Variants in DLC1 observed in about 807,000 individuals in gnomAD.
DLC1 encodes DLC1 Rho GTPase activating protein.
Under a neutral mutation model 140.3 loss-of-function variants are expected in DLC1, and 54 were observed. The observed-to-expected ratio is 0.38, with a 90% CI of 0.31 to 0.48. The LOEUF (loss-of-function observed/expected upper bound fraction) is 0.48, where lower values mean the gene tolerates loss of function less well. DLC1 is among the 20% of genes least tolerant of loss of function. The pLI is 0.96. For synonymous variants in DLC1, 986 were observed against 728.1 expected, an observed-to-expected ratio of 1.35 and a Z score of -5.70; for missense variants, 2,536 against 1,907.0, an observed-to-expected ratio of 1.33 and a Z score of -6.14.
intron 5 of DLC1, among the ~76,000 whole-genome samples, chr8:13,174,827 A>C (rs1825672862): frequency 6.6e-6 from 1 of 151,698 alleles, no homozygotes; most frequent in Non-Finnish European, 1.5e-5. Flanking sequence ...CTCCATTGAT[A>C]ATTTTTTTTT....
chr8:13,128,450 C>A (rs1428781714), intron 5 of DLC1, among the ~76,000 whole-genome samples: 1 of 152,146 alleles, frequency 6.6e-6, no homozygotes, highest in Non-Finnish European at 1.5e-5. Flanking sequence ...CCTACGCACA[C>A]AAGCCTCCCA....
At chr8:13,585,410 T>A (rs1019232063) in intron 1 of DLC1, among the ~76,000 whole-genome samples, 82 of 151,386 alleles carry the variant, frequency 5.4e-4, no homozygotes, top group African/African-American at 1.6e-3. Context: ...ATAAAAAATT[T>A]AAAAAAAAAG....
intron 5 of DLC1, among the ~76,000 whole-genome samples, chr8:13,234,114 C>G (rs1225956699): frequency 6.6e-6 from 1 of 152,100 alleles, no homozygotes; most frequent in Non-Finnish European, 1.5e-5. Flanking sequence ...TCTTTGTTTA[C>G]ATTTATAAAG....
At chr8:13,272,463 C>G (rs184917716) in intron 5 of DLC1, among the ~76,000 whole-genome samples, 1 of 151,764 alleles carries the variant, frequency 6.6e-6, no homozygotes, top group Non-Finnish European at 1.5e-5. Flanking sequence ...AACAAACAAA[C>G]AAAAAAGACT....
chr8:13,209,439 T>A (rs1827832104), intron 5 of DLC1, among the ~76,000 whole-genome samples: 2 of 152,184 alleles, frequency 1.3e-5, no homozygotes, highest in Admixed American at 1.3e-4. Context: ...GTGGATGACT[T>A]CTGCTCATCA....
intron 5 of DLC1, among the ~76,000 whole-genome samples, chr8:13,152,094 T>A (rs1372057879): frequency 6.6e-6 from 1 of 152,222 alleles, no homozygotes; most frequent in Admixed American, 6.5e-5. Context: ...CTAAATACAG[T>A]CTCAGGGTTG....
chr8:13,265,372 T>C (rs763646172), intron 5 of DLC1, among the ~76,000 whole-genome samples: 2 of 152,064 alleles, frequency 1.3e-5, no homozygotes, highest in Non-Finnish European at 2.9e-5. Flanking sequence ...CAAAAGAAGT[T>C]TGAGAGTGGG....
intron 1 of DLC1, among the ~76,000 whole-genome samples, chr8:13,547,439 T>A (rs1406536708): frequency 6.6e-6 from 1 of 152,034 alleles, no homozygotes; most frequent in Non-Finnish European, 1.5e-5. Flanking sequence ...TGACTGCCTC[T>A]GTTACTCACC....
chr8:13,224,771 G>T (rs1255126948), intron 5 of DLC1, among the ~76,000 whole-genome samples: 2 of 152,148 alleles, frequency 1.3e-5, no homozygotes, highest in African/African-American at 4.8e-5. Context: ...ACAAGAGTGA[G>T]CGCCTACAGA....
chr8:13,302,038 C>T (rs576190132), intron 5 of DLC1, among the ~76,000 whole-genome samples: 156 of 152,310 alleles, frequency 1.0e-3, no homozygotes, highest in African/African-American at 3.7e-3. Flanking sequence ...TACAATTATA[C>T]ATATCGATAC....
intron 1 of DLC1, among the ~76,000 whole-genome samples, chr8:13,560,580 G>C (rs939809690): frequency 6.6e-6 from 1 of 152,058 alleles, no homozygotes; most frequent in African/African-American, 2.4e-5. Context: ...CCTTTAATCT[G>C]GTTTTCATAC....
chr8:13,462,448 G>T (rs1191918680), intron 2 of DLC1, among the ~76,000 whole-genome samples: 1 of 148,602 alleles, frequency 6.7e-6, no homozygotes, highest in Admixed American at 6.8e-5. Flanking sequence ...CGACAGCCCA[G>T]GCTGGAGTGC....
chr8:13,442,053 A>G (rs1397727509), intron 2 of DLC1, among the ~76,000 whole-genome samples: 2 of 152,220 alleles, frequency 1.3e-5, no homozygotes, highest in Non-Finnish European at 1.5e-5. Context: ...AATGCTGCAT[A>G]TCTACAACTA....
intron 5 of DLC1, among the ~76,000 whole-genome samples, chr8:13,127,447 G>A (rs941502581): frequency 6.6e-6 from 1 of 152,184 alleles, no homozygotes; most frequent in Non-Finnish European, 1.5e-5. Flanking sequence ...TTTTACAGAT[G>A]TCCAAGCATT....
At chr8:13,503,850 T>C (rs1377345892) in intron 1 of DLC1, among the ~76,000 whole-genome samples, 1 of 152,188 alleles carries the variant, frequency 6.6e-6, no homozygotes, top group Non-Finnish European at 1.5e-5. Flanking sequence ...ACAAAGAAAG[T>C]TCTATCATAG....
intron 4 of DLC1, among the ~76,000 whole-genome samples, chr8:13,379,571 G>A (rs1234587602): frequency 6.6e-6 from 1 of 152,142 alleles, no homozygotes; most frequent in Admixed American, 6.6e-5. Flanking sequence ...TCAGGCTCAT[G>A]TCAAAAAATT....
intron 5 of DLC1, among the ~76,000 whole-genome samples, chr8:13,169,270 T>G (rs1270469764): frequency 2.6e-5 from 4 of 152,210 alleles, no homozygotes; most frequent in Non-Finnish European, 5.9e-5. Context: ...CTGTGGGGTT[T>G]TGTTGTTGTT....
intron 1 of DLC1, among the ~76,000 whole-genome samples, chr8:13,588,274 G>A (rs1046134739): frequency 6.6e-6 from 1 of 152,124 alleles, no homozygotes; most frequent in Non-Finnish European, 1.5e-5. Flanking sequence ...ATGGTAGGAA[G>A]CATGATACCT....
At chr8:13,581,069 A>G (rs1046964814) in intron 1 of DLC1, among the ~76,000 whole-genome samples, 2 of 152,228 alleles carry the variant, frequency 1.3e-5, no homozygotes, top group African/African-American at 4.8e-5. Flanking sequence ...AACATCAAAA[A>G]TGGAGTCAGA....
Sources: allele counts gnomAD v4.1 joint callset (sites outside exome capture counted in the v4.1 genomes callset), GRCh38; gene constraint gnomAD v4.1.1; transcripts MANE v1.5; gene names NCBI Gene and HGNC (gene_info 2026-07-23, HGNC 2026-07-21).